The following SLC25A53 variants were observed in gnomAD, a reference collection of about 807,000 sequenced individuals.
The protein encoded by SLC25A53 is solute carrier family 25 member 53, also known as mitochondrial carrier triple repeat protein 6.
Under a neutral mutation model 15.0 loss-of-function variants are expected in SLC25A53, and 5 were observed. The observed-to-expected ratio is 0.33, with a 90% CI of 0.17 to 0.70. SLC25A53 has a LOEUF of 0.70. Among genes scored for constraint, SLC25A53 ranks in the 30% least tolerant of loss-of-function variants. The pLI, the probability that SLC25A53 is intolerant of heterozygous loss-of-function variation, is 0.67. For synonymous variants in SLC25A53, 95 were observed against 100.0 expected (o/e 0.95, Z 0.30); for missense variants, 216 against 241.6 (o/e 0.89, Z 0.70).
intron 1 of SLC25A53, among the ~76,000 whole-genome samples, chrX:104,132,874 G>C (rs60735542): frequency 0.019 from 2,175 of 111,583 alleles, 53 homozygotes; most frequent in African/African-American, 0.068. Context: ...GGAATGGAGA[G>C]AGCCAGATAG....
intron 1 of SLC25A53, among the ~76,000 whole-genome samples, chrX:104,137,047 T>G (rs2075438351): frequency 9.0e-6 from 1 of 111,385 alleles, no homozygotes; most frequent in Non-Finnish European, 1.9e-5. Flanking sequence ...TGCTCACAAC[T>G]CAGTGAGGTA....
chrX:104,139,518 C>T (rs782286363), intron 1 of SLC25A53, among the ~76,000 whole-genome samples: 1 of 110,453 alleles, frequency 9.1e-6, no homozygotes, highest in Non-Finnish European at 1.9e-5. Context: ...AACTCCATCT[C>T]AAAAAAATAA....
chrX:104,125,231 C>T (rs781800493), intron 1 of SLC25A53, among the ~76,000 whole-genome samples: 4 of 111,059 alleles, frequency 3.6e-5, no homozygotes, highest in South Asian at 3.8e-4. Flanking sequence ...GTGTGTTCTT[C>T]GGCTTTTACA....
At chrX:104,128,489 T>C (rs2075417161) in intron 1 of SLC25A53, among the ~76,000 whole-genome samples, 1 of 111,905 alleles carries the variant, frequency 8.9e-6, no homozygotes, top group African/African-American at 3.2e-5. Flanking sequence ...ACAAGACAGC[T>C]AGATTCCCAT....
chrX:104,136,987 AT>A (rs1175242443), intron 1 of SLC25A53, among the ~76,000 whole-genome samples: 1 of 111,647 alleles, frequency 9.0e-6, no homozygotes, highest in Admixed American at 9.5e-5. Context: ...TTATTATAAT[AT>A]TTAATATTTG....
intron 1 of SLC25A53, among the ~76,000 whole-genome samples, chrX:104,142,650 T>G (rs782026858): frequency 9.0e-6 from 1 of 110,743 alleles, no homozygotes; most frequent in Admixed American, 9.6e-5. Context: ...GGAAAAGCTC[T>G]GGTCTGCAGC....
chrX:104,132,294 C>T (rs782166561), intron 1 of SLC25A53, among the ~76,000 whole-genome samples: 2 of 112,130 alleles, frequency 1.8e-5, no homozygotes, highest in East Asian at 5.6e-4. Context: ...GGCATGTTGC[C>T]TTTCGGTAAC....
At chrX:104,146,853 A>G (rs1298515815) in intron 1 of SLC25A53, among the ~76,000 whole-genome samples, 1 of 111,324 alleles carries the variant, frequency 9.0e-6, no homozygotes, top group African/African-American at 3.3e-5. Flanking sequence ...GGAAGAATCA[A>G]TATCGTGAAA....
chrX:104,107,140 A>G (rs1452741930), intron 1 of SLC25A53, among the ~76,000 whole-genome samples: 1 of 109,539 alleles, frequency 9.1e-6, no homozygotes, highest in Non-Finnish European at 1.9e-5. Context: ...TGTTCCATCT[A>G]TATCCCCACA....
At chrX:104,126,721 A>G (rs1007869190) in intron 1 of SLC25A53, among the ~76,000 whole-genome samples, 2 of 112,367 alleles carry the variant, frequency 1.8e-5, no homozygotes, top group Non-Finnish European at 3.8e-5. Flanking sequence ...ACCAAAAAGA[A>G]TACGCAGATG....
chrX:104,100,277 G>A lies in SLC25A53; in HGVS notation c.*4057C>T, dbSNP rs1412617345. ...ATATTTAGAGAAAAATATATATCAC[G>A]CATATATTGTGTTGTATGATGGCTT... On this transcript the variant is annotated 3_prime_UTR_variant, in exon 2 of 2. Coordinates refer to ENST00000594199, the MANE Select transcript of SLC25A53 (RefSeq NM_001012755.5). The A allele has an allele frequency of 1.8e-5, 2 of 111,169 alleles. No individual in the cohort carries two copies. Among genetic ancestry groups the A allele is most frequent in the South Asian group, 3.8e-4 (1 of 2,659 alleles). The allele number at this position is 111,169 out of a possible 1,213,427, so 9.2% of individuals were successfully genotyped here. A position where few individuals can be genotyped will look rare whatever the true frequency, so the allele number is the denominator to read the frequency against.
chrX:104,105,687 T>C (rs1228251846), intron 1 of SLC25A53, among the ~76,000 whole-genome samples: 2 of 112,581 alleles, frequency 1.8e-5, no homozygotes, highest in Admixed American at 1.9e-4. Flanking sequence ...AATCTGGCAC[T>C]ATCTTGTAGA....
chrX:104,136,707 G>A (rs146776986), intron 1 of SLC25A53, among the ~76,000 whole-genome samples: 1 of 112,182 alleles, frequency 8.9e-6, no homozygotes, highest in Non-Finnish European at 1.9e-5. Context: ...CTCGCTCAGT[G>A]AACTGTTTCG....
chrX:104,146,106 A>G (rs947654877), intron 1 of SLC25A53, among the ~76,000 whole-genome samples: 30 of 112,072 alleles, frequency 2.7e-4, no homozygotes, highest in African/African-American at 9.1e-4. Flanking sequence ...AAGCTTGTCC[A>G]CTACAATCAA....
intron 1 of SLC25A53, among the ~76,000 whole-genome samples, chrX:104,152,454 C>T (rs2075487819): frequency 1.8e-5 from 2 of 110,043 alleles, no homozygotes; most frequent in South Asian, 8.0e-4. Flanking sequence ...ATATGTGCCA[C>T]ATTTTCTTGG....
At position 104,104,894 on chromosome X, in the gene SLC25A53, G is replaced by T. The variant is rs782097792; in HGVS notation, c.364C>A (p.Leu122Ile). The change falls in exon 2 of 2, where the codon CTC (leucine) becomes ATC (isoleucine). Residue 122 changes from leucine (L) to isoleucine (I), a missense_variant. By Grantham distance (5) the Leu-to-Ile change is conservative. Transcript: ENST00000594199. ...ACGGCCTCCACCACGCCAGACATGA[G>T]CCCGGCAGCCCAGCGGTGTCCCAGG... ...HTLGHRWAAG[L>I]MSGVVEAVAL... The T allele has an allele frequency of 5.8e-6, 7 of 1,210,005 alleles. No individual in the cohort carries two copies. The highest frequency in any genetic ancestry group is 7.8e-6 in the Non-Finnish European group (7 of 895,301).
chrX:104,107,901 A>G (rs182200201), intron 1 of SLC25A53, among the ~76,000 whole-genome samples: 6 of 111,804 alleles, frequency 5.4e-5, no homozygotes, highest in Non-Finnish European at 9.4e-5. Context: ...TGAGCTGTAA[A>G]TGGAGCAGAA....
rs1243430932 is a variant in SLC25A53 at position 104,121,874 on chromosome X, G to GATTC, written c.-31-16587_-31-16586insGAAT. 2.8e-3 allele frequency among the ~76,000 whole-genome samples: 8 copies of GATTC among 2,864 alleles called. 3 individuals carry two copies. The highest frequency in any genetic ancestry group is 8.6e-3 in the Admixed American group (2 of 232). The allele number at this position is 2,864 out of a possible 115,157, so 2.5% of individuals were successfully genotyped here. ...TACTAGACATCACATCAAATGGTAT[G>GATTC]ATATATATATATATATATATATATA... is the stretch of plus-strand genomic sequence containing the variant. On this transcript the variant is annotated intron_variant, in intron 1 of 1. Transcript: ENST00000594199.
At position 104,154,616 on chromosome X, in the gene SLC25A53, T is replaced by A. The variant is rs190198719; in HGVS notation, c.-32+2262A>T. On this transcript the variant is annotated intron_variant, in intron 1 of 1. Transcript: ENST00000594199. The stretch of plus-strand genomic sequence containing the variant: ...TCAGTGGATGAACAGATAAAGCAAA[T>A]GTGCTATACATACACAATGAAATAT... Among the ~76,000 whole-genome samples, 188 of 112,321 alleles carry A rather than the reference T, an allele frequency of 1.7e-3. 1 individual carries two copies. The highest frequency in any genetic ancestry group is 5.9e-3 in the African/African-American group (181 of 30,903).
Sources: allele counts gnomAD v4.1 joint callset (sites outside exome capture counted in the v4.1 genomes callset), GRCh38; gene constraint gnomAD v4.1.1; transcripts MANE v1.5; gene names NCBI Gene and HGNC (gene_info 2026-07-23, HGNC 2026-07-21).